The following MBD5 variants were observed in gnomAD, a reference collection of about 807,000 sequenced individuals.
MBD5 encodes methyl-CpG-binding domain protein 5.
Under a neutral mutation model 117.3 loss-of-function variants are expected in MBD5, and 13 were observed. That is an observed-to-expected ratio of 0.11 (90% CI 0.07 to 0.18). The LOEUF is 0.18. Among genes scored for constraint, MBD5 ranks in the 10% least tolerant of loss-of-function variants. The pLI is 1.00. For synonymous variants in MBD5, 727 were observed against 766.4 expected (o/e 0.95, Z 0.85); for missense variants, 1,879 against 2,093.8 (o/e 0.90, Z 2.00).
chr2:148,153,130 G>A (rs935421819), intron 1 of MBD5, among the ~76,000 whole-genome samples: 2 of 151,532 alleles, frequency 1.3e-5, no homozygotes, highest in East Asian at 2.0e-4. Flanking sequence ...TTTAGGGCAG[G>A]CCTGGTGGTG....
chr2:148,251,902 AT>A (rs1216035710), intron 3 of MBD5, among the ~76,000 whole-genome samples: 1 of 152,196 alleles, frequency 6.6e-6, no homozygotes, highest in Non-Finnish European at 1.5e-5. Context: ...CAAAATAATA[AT>A]TGTATTAGAT....
intron 7 of MBD5, 151 bp from the exon 8 acceptor site, chr2:148,468,190 A>G: frequency 3.1e-6 from 2 of 651,260 alleles, no homozygotes; most frequent in Non-Finnish European, 5.4e-6. Context: ...ACTATTTTTA[A>G]TTGCATAGAA....
intron 1 of MBD5, among the ~76,000 whole-genome samples, chr2:148,092,139 C>T: frequency 6.6e-6 from 1 of 151,920 alleles, no homozygotes. Flanking sequence ...CAAAAGTGGC[C>T]ATAATTAAAA....
intron 5 of MBD5, among the ~76,000 whole-genome samples, chr2:148,461,628 T>C (rs1457580438): frequency 6.6e-6 from 1 of 152,190 alleles, no homozygotes; most frequent in African/African-American, 2.4e-5. Context: ...CTAAAAGATA[T>C]TCTCAAGTGA....
intron 3 of MBD5, among the ~76,000 whole-genome samples, chr2:148,267,939 TTTTC>T (rs1428330951): frequency 1.4e-5 from 2 of 147,020 alleles, no homozygotes; most frequent in Admixed American, 6.8e-5. Flanking sequence ...TCTCGCTCTC[TTTTC>T]TTTTTTTTCT....
chr2:148,284,855 A>G (rs1701335059), intron 3 of MBD5, among the ~76,000 whole-genome samples: 1 of 152,182 alleles, frequency 6.6e-6, no homozygotes, highest in Non-Finnish European at 1.5e-5. Flanking sequence ...TAGTAAATAT[A>G]TTTTTAATTT....
At chr2:148,401,178 A>G (rs1231520026) in intron 4 of MBD5, among the ~76,000 whole-genome samples, 1 of 152,172 alleles carries the variant, frequency 6.6e-6, no homozygotes, top group Non-Finnish European at 1.5e-5. Flanking sequence ...AATGATTAAG[A>G]TTAGTCTGAC....
At chr2:148,026,079 T>C (rs1045300756) in intron 1 of MBD5, 2 of 152,214 alleles carry the variant, frequency 1.3e-5, no homozygotes, top group Non-Finnish European at 2.9e-5. Flanking sequence ...TGGGGATGCC[T>C]CTGCTGGTGC....
intron 3 of MBD5, among the ~76,000 whole-genome samples, chr2:148,290,079 C>G (rs1389354752): frequency 6.7e-6 from 1 of 150,296 alleles, no homozygotes; most frequent in East Asian, 2.0e-4. Flanking sequence ...CCTCAGCCTC[C>G]CAAGTAGCTG....
chr2:148,443,948 A>G (rs1341768445), intron 4 of MBD5, among the ~76,000 whole-genome samples: 3 of 151,406 alleles, frequency 2.0e-5, no homozygotes, highest in African/African-American at 7.4e-5. Context: ...TGGATACCCC[A>G]TTTATCCTAA....
intron 1 of MBD5, among the ~76,000 whole-genome samples, chr2:148,137,571 A>G (rs1697200437): frequency 6.6e-6 from 1 of 152,176 alleles, no homozygotes; most frequent in Non-Finnish European, 1.5e-5. Context: ...ACCAGCCTGG[A>G]TAACATAGAG....
At chr2:148,489,318 T>C (rs1384248748) in intron 10 of MBD5, 68 bp from the exon 11 acceptor site, 3 of 1,581,692 alleles carry the variant, frequency 1.9e-6, no homozygotes, top group African/African-American at 1.4e-5. Context: ...TTTAAAATTA[T>C]AGTCTTTCTC....
intron 4 of MBD5, among the ~76,000 whole-genome samples, chr2:148,426,279 T>G (rs1444607068): frequency 6.6e-6 from 1 of 152,186 alleles, no homozygotes; most frequent in Non-Finnish European, 1.5e-5. Flanking sequence ...AATGACTTTC[T>G]TCACAGAATT....
intron 8 of MBD5, among the ~76,000 whole-genome samples, chr2:148,482,666 A>G (rs1681196212): frequency 6.6e-6 from 1 of 152,202 alleles, no homozygotes; most frequent in Non-Finnish European, 1.5e-5. Context: ...AAAAGGAAGT[A>G]GTAGTTTTAT....
chr2:148,347,308 G>C (rs1255952167), intron 4 of MBD5: 1 of 152,020 alleles, frequency 6.6e-6, no homozygotes, highest in Non-Finnish European at 1.5e-5. Context: ...AAGGAGTTTT[G>C]AGGCTATAGT....
chr2:148,482,773 C>T (rs1681199863), intron 8 of MBD5, among the ~76,000 whole-genome samples: 1 of 152,170 alleles, frequency 6.6e-6, no homozygotes, highest in Non-Finnish European at 1.5e-5. Context: ...ATTCTCCCAT[C>T]TTCCCCTTTC....
intron 4 of MBD5, among the ~76,000 whole-genome samples, chr2:148,416,750 T>C (rs1705432892): frequency 6.6e-6 from 1 of 152,092 alleles, no homozygotes; most frequent in Non-Finnish European, 1.5e-5. Context: ...CAATAGCTAG[T>C]TTTTCATCCC....
intron 4 of MBD5, among the ~76,000 whole-genome samples, chr2:148,443,441 T>A (rs1706392366): frequency 6.6e-6 from 1 of 151,476 alleles, no homozygotes; most frequent in Admixed American, 6.6e-5. Context: ...TGCACTCTCA[T>A]GTTTATTGCA....
intron 1 of MBD5, among the ~76,000 whole-genome samples, chr2:148,128,292 A>G (rs1329529971): frequency 2.0e-5 from 3 of 152,134 alleles, no homozygotes; most frequent in Non-Finnish European, 4.4e-5. Flanking sequence ...TGGTTAAAAG[A>G]CCCTACTTTA....
Sources: gnomAD v4.1 joint callset for allele counts (sites outside exome capture counted in the v4.1 genomes callset) on GRCh38, gnomAD v4.1.1 for gene constraint, MANE v1.5 for transcripts, NCBI Gene and HGNC (gene_info 2026-07-23, HGNC 2026-07-21) for gene names.